Variants in LSAMP observed in about 807,000 individuals in gnomAD.
LSAMP encodes limbic system associated membrane protein, also known as limbic system-associated membrane protein.
Under a neutral mutation model 38.6 loss-of-function variants are expected in LSAMP, and 7 were observed. The ratio of observed to expected loss-of-function variants is 0.18; its 90% CI spans 0.10 to 0.34. The LOEUF is 0.34. Among genes scored for constraint, LSAMP ranks in the 10% least tolerant of loss-of-function variants. LSAMP has a pLI of 1.00. For missense variants in LSAMP, 313 were observed against 420.0 expected, an observed-to-expected ratio of 0.75 and a Z score of 2.23; for synonymous variants, 154 against 166.8, an observed-to-expected ratio of 0.92 and a Z score of 0.59.
At chr3:116,201,131 C>A (rs1021404502) in intron 1 of LSAMP, among the ~76,000 whole-genome samples, 1 of 152,134 alleles carries the variant, frequency 6.6e-6, no homozygotes, top group African/African-American at 2.4e-5. Flanking sequence ...AGTCCCTCCC[C>A]GCTGTACCTC....
intron 1 of LSAMP, among the ~76,000 whole-genome samples, chr3:116,241,180 A>T (rs1300783410): frequency 1.3e-5 from 2 of 151,832 alleles, no homozygotes; most frequent in East Asian, 3.9e-4. Context: ...TCCATTTAAA[A>T]AAAAAAAAAA....
intron 1 of LSAMP, among the ~76,000 whole-genome samples, chr3:116,242,484 C>A (rs1003837652): frequency 6.6e-6 from 1 of 152,132 alleles, no homozygotes; most frequent in Non-Finnish European, 1.5e-5. Context: ...CCCAAGTGGG[C>A]ATGTTTGGTG....
intron 2 of LSAMP, among the ~76,000 whole-genome samples, chr3:116,080,393 A>G (rs1282365016): frequency 2.3e-4 from 35 of 152,184 alleles, no homozygotes; most frequent in Admixed American, 2.3e-3. Context: ...AGGAAGGACA[A>G]AAGCAGTTTA....
intron 1 of LSAMP, among the ~76,000 whole-genome samples, chr3:116,130,507 A>G (rs1559754010): frequency 6.6e-6 from 1 of 152,198 alleles, no homozygotes; most frequent in Non-Finnish European, 1.5e-5. Context: ...TGGATTACAA[A>G]TGTTGTCATT....
At chr3:116,393,705 T>A (rs1395516817) in intron 1 of LSAMP, among the ~76,000 whole-genome samples, 1 of 152,214 alleles carries the variant, frequency 6.6e-6, no homozygotes, top group African/African-American at 2.4e-5. Context: ...TAGGATCTAC[T>A]TTTTAGGGAT....
chr3:116,328,098 C>T (rs545637990), intron 1 of LSAMP, among the ~76,000 whole-genome samples: 84 of 152,280 alleles, frequency 5.5e-4, no homozygotes, highest in Non-Finnish European at 1.0e-3. Flanking sequence ...GCCTGCTTCT[C>T]TACCCTTGTC....
rs78412484 is a variant in LSAMP, at chr3:116,162,179, C to G, written c.156-75623G>C. Among the ~76,000 whole-genome samples, 14 of 152,256 alleles carry G rather than the reference C, an allele frequency of 9.2e-5. No individual in the cohort carries two copies. The East Asian group carries it at 2.7e-3, about 29-fold the overall frequency. On this transcript the variant is annotated intron_variant, in intron 1 of 6. Coordinates refer to ENST00000490035, the MANE Select transcript of LSAMP (RefSeq NM_002338.5). ...CTATAATAAATTACTGCTCTCCAAACTAAAATCTTAGGCAAGCTTATGTGG... is the reference window on the plus strand; with the variant it reads ...CTATAATAAATTACTGCTCTCCAAAGTAAAATCTTAGGCAAGCTTATGTGG...
intron 2 of LSAMP, among the ~76,000 whole-genome samples, chr3:116,061,127 A>G (rs1576339803): frequency 6.6e-6 from 1 of 152,026 alleles, no homozygotes; most frequent in East Asian, 1.9e-4. Flanking sequence ...GCACCTGTTC[A>G]ATTCTCACAA....
intron 6 of LSAMP, among the ~76,000 whole-genome samples, chr3:115,833,359 GTTTTTTTTT>G (rs59072688): frequency 7.8e-6 from 1 of 128,096 alleles, no homozygotes; most frequent in South Asian, 2.6e-4. Flanking sequence ...TTTTAGGGAA[GTTTTTTTTT>G]TTTTTTTTTG....
chr3:115,823,599 CAGAAT>C (rs1934316304), intron 6 of LSAMP, among the ~76,000 whole-genome samples: 1 of 151,864 alleles, frequency 6.6e-6, no homozygotes, highest in South Asian at 2.1e-4. Context: ...CATTTATTAT[CAGAAT>C]AGAAAACTAT....
At chr3:116,184,668 T>C (rs1477546923) in intron 1 of LSAMP, among the ~76,000 whole-genome samples, 2 of 151,980 alleles carry the variant, frequency 1.3e-5, no homozygotes, top group African/African-American at 4.8e-5. Context: ...GATTGCTTGC[T>C]AACAGACTCA....
intron 1 of LSAMP, among the ~76,000 whole-genome samples, chr3:116,390,403 A>G (rs555597091): frequency 1.4e-4 from 21 of 152,222 alleles, no homozygotes; most frequent in South Asian, 4.1e-4. Flanking sequence ...GATCTGCAAG[A>G]ATGGGGGTTA....
intron 1 of LSAMP, among the ~76,000 whole-genome samples, chr3:116,375,813 TTTAG>T (rs2048486941): frequency 6.6e-6 from 1 of 151,976 alleles, no homozygotes; most frequent in African/African-American, 2.4e-5. Flanking sequence ...TTCGACTCTC[TTTAG>T]TGTTTTTAAG....
chr3:115,816,772 T>G (rs533310367), intron 6 of LSAMP: 14 of 435,520 alleles, frequency 3.2e-5, no homozygotes, highest in Middle Eastern at 7.4e-4. Context: ...AAAGAACATT[T>G]TAATAGGAAA....
chr3:116,301,140 A>T (rs1232533953), intron 1 of LSAMP, among the ~76,000 whole-genome samples: 2 of 152,136 alleles, frequency 1.3e-5, no homozygotes, highest in African/African-American at 4.8e-5. Flanking sequence ...ATCAACTATA[A>T]CCAGGATCAT....
chr3:115,914,922 T>C (rs1371944160), intron 3 of LSAMP, among the ~76,000 whole-genome samples: 1 of 152,178 alleles, frequency 6.6e-6, no homozygotes, highest in African/African-American at 2.4e-5. Flanking sequence ...ACTTAAAAGG[T>C]CTGTATCCTG....
At chr3:116,293,983 C>A (rs184645573) in intron 1 of LSAMP, among the ~76,000 whole-genome samples, 11 of 152,146 alleles carry the variant, frequency 7.2e-5, no homozygotes, top group Admixed American at 1.3e-4. Flanking sequence ...TATGTGTCCT[C>A]AGTATGTATT....
At chr3:116,048,894 T>C (rs1362839071) in intron 2 of LSAMP, among the ~76,000 whole-genome samples, 1 of 152,018 alleles carries the variant, frequency 6.6e-6, no homozygotes, top group Non-Finnish European at 1.5e-5. Context: ...TGAGACAAAA[T>C]GTAATGTAAA....
intron 2 of LSAMP, among the ~76,000 whole-genome samples, chr3:116,024,311 TC>T (rs1359149905): frequency 6.6e-6 from 1 of 152,224 alleles, no homozygotes; most frequent in East Asian, 1.9e-4. Flanking sequence ...ACTTAGTTTT[TC>T]CCAACTCTTT....
Sources: allele counts gnomAD v4.1 joint callset (sites outside exome capture counted in the v4.1 genomes callset), GRCh38; gene constraint gnomAD v4.1.1; transcripts MANE v1.5; gene names NCBI Gene and HGNC (gene_info 2026-07-23, HGNC 2026-07-21).